Variants in DSCAML1 observed in about 807,000 individuals in gnomAD.
The protein encoded by DSCAML1 is DS cell adhesion molecule like 1, also known as cell adhesion molecule DSCAML1.
Under a neutral mutation model 200.5 loss-of-function variants are expected in DSCAML1, and 38 were observed. The observed-to-expected ratio is 0.19, with a 90% CI of 0.15 to 0.25. DSCAML1 has a LOEUF of 0.25. Among genes scored for constraint, DSCAML1 ranks in the 10% least tolerant of loss-of-function variants. DSCAML1 has a pLI of 1.00. For missense variants in DSCAML1, 2,223 were observed against 2,858.8 expected, an observed-to-expected ratio of 0.78 and a Z score of 5.07; for synonymous variants, 1,215 against 1,165.0, an observed-to-expected ratio of 1.04 and a Z score of -0.87.
intron 14 of DSCAML1, among the ~76,000 whole-genome samples, chr11:117,477,175 A>G (rs996350579): frequency 3.4e-5 from 5 of 146,420 alleles, no homozygotes; most frequent in South Asian, 2.1e-4. Context: ...CCACTAGTCC[A>G]CAGGTGCAGG....
chr11:117,568,545 T>C (rs2050794413), intron 3 of DSCAML1, among the ~76,000 whole-genome samples: 1 of 152,094 alleles, frequency 6.6e-6, no homozygotes, highest in African/African-American at 2.4e-5. Context: ...ACAAAATCAA[T>C]GTACAAAAAT....
chr11:117,518,819 C>A lies in DSCAML1; in HGVS notation c.1214-57G>T. The A allele has an allele frequency of 6.5e-7, 1 of 1,537,940 alleles. No homozygotes were observed. Among genetic ancestry groups the A allele is most frequent in the East Asian group, 2.3e-5 (1 of 43,050 alleles). On this transcript the variant is annotated intron_variant, in intron 6 of 32. Transcript: ENST00000651296. This position sits in a 1 kb window ranked among gnomAD's most constrained non-coding sequence, Gnocchi z 6.3. ...ACCAAGCCATGGAGAGACGGTCCCCCCAGCCACCCCACCTCAGCAGGGGAG... is the reference window on the plus strand; with the variant it reads ...ACCAAGCCATGGAGAGACGGTCCCCACAGCCACCCCACCTCAGCAGGGGAG...
At chr11:117,461,717 G>T (rs375314361) in intron 17 of DSCAML1, 121 bp from the exon 18 acceptor site, 34 of 875,670 alleles carry the variant, frequency 3.9e-5, no homozygotes, top group Middle Eastern at 3.6e-4. Context: ...TTAGACAAGT[G>T]GGGGGACCTC....
In DSCAML1 at chr11:117,684,955, G is replaced by A. The variant is rs577063819; in HGVS notation, c.511+91836C>T. On this transcript the variant is annotated intron_variant, in intron 3 of 32. Coordinates refer to ENST00000651296, the MANE Select transcript of DSCAML1 (RefSeq NM_020693.4). ...TGGAGATGCCAGGGCCGGTCCAGCC[G>A]GTGCTCTGAGCCTGTCATGGGAAAA... is the stretch of plus-strand genomic sequence containing the variant. 5.9e-5 allele frequency among the ~76,000 whole-genome samples: 9 copies of A among 152,226 alleles called. 1 individual carries two copies. Among genetic ancestry groups the A allele is most frequent in the Non-Finnish European group, 8.8e-5 (6 of 68,028 alleles).
chr11:117,717,484 G>A (rs2053971210), intron 3 of DSCAML1, among the ~76,000 whole-genome samples: 1 of 152,230 alleles, frequency 6.6e-6, no homozygotes, highest in Admixed American at 6.5e-5. Context: ...CAACTGACTG[G>A]CGGTGGCTTC....
At chr11:117,654,209 G>C (rs2052689584) in intron 3 of DSCAML1, among the ~76,000 whole-genome samples, 1 of 152,118 alleles carries the variant, frequency 6.6e-6, no homozygotes, top group South Asian at 2.1e-4. Flanking sequence ...GAAATAGGGG[G>C]ATGTTGGCCA....
At chr11:117,651,532 T>C (rs1304804447) in intron 3 of DSCAML1, among the ~76,000 whole-genome samples, 1 of 151,140 alleles carries the variant, frequency 6.6e-6, no homozygotes, top group Non-Finnish European at 1.5e-5. Flanking sequence ...GGTGAAATCC[T>C]GTCTCTACTA....
chr11:117,769,497 TATAATATATA>T (rs2054993000), intron 3 of DSCAML1, among the ~76,000 whole-genome samples: 1 of 94,368 alleles, frequency 1.1e-5, no homozygotes, highest in African/African-American at 5.6e-5. Flanking sequence ...ATTTTATATA[TATAATATATA>T]TTTTATATAT....
At chr11:117,676,183 A>G (rs2053208600) in intron 3 of DSCAML1, among the ~76,000 whole-genome samples, 1 of 152,196 alleles carries the variant, frequency 6.6e-6, no homozygotes, top group Admixed American at 6.5e-5. Context: ...CAAAAAAAAA[A>G]AGCAATCATA....
intron 1 of DSCAML1, among the ~76,000 whole-genome samples, chr11:117,809,597 CT>C (rs747647268): frequency 6.6e-6 from 1 of 152,236 alleles, no homozygotes; most frequent in Non-Finnish European, 1.5e-5. Context: ...CCAGTCATGT[CT>C]CGCAGTGAAG....
rs1372663974 is a variant in DSCAML1, at chr11:117,616,054, G to T, written c.512-83532C>A. Reference sequence around the variant, plus strand: ...GGCTTTGTGGTTGCAGCCACTCAGGGTATCAGACACAGTAATCCTGTAATT... The same window carrying T: ...GGCTTTGTGGTTGCAGCCACTCAGGTTATCAGACACAGTAATCCTGTAATT... On this transcript the variant is annotated intron_variant, in intron 3 of 32. Coordinates refer to ENST00000651296, the MANE Select transcript of DSCAML1 (RefSeq NM_020693.4). Among the ~76,000 whole-genome samples, 3 of 152,212 alleles carry T rather than the reference G, an allele frequency of 2.0e-5. No individual in the cohort carries two copies. The East Asian group carries it at 5.8e-4, about 29-fold the overall frequency.
intron 5 of DSCAML1, among the ~76,000 whole-genome samples, chr11:117,524,483 C>T (rs998681891): frequency 5.9e-5 from 9 of 152,246 alleles, no homozygotes; most frequent in African/African-American, 1.7e-4. Context: ...CCCTCCTCAT[C>T]CCACTGGAGC....
Position 117,780,294 on chromosome 11 carries a change from A to C in DSCAML1, c.364+199T>G, listed in dbSNP as rs866179665. 2.1e-3 allele frequency among the ~76,000 whole-genome samples: 223 copies of C among 106,720 alleles called. 2 individuals carry two copies. The highest frequency in any genetic ancestry group is 6.6e-3 in the African/African-American group (213 of 32,230). 70.0% of individuals were successfully genotyped at this position (106,720 alleles called of 152,430 possible). Reference sequence around the variant, plus strand: ...AAAGAAAGAAAGAAAGAAAGAAAGAAAGAAAGAAAGAGAGAAAGGAGAAAG... The same window carrying C: ...AAAGAAAGAAAGAAAGAAAGAAAGACAGAAAGAAAGAGAGAAAGGAGAAAG... On this transcript the variant is annotated intron_variant, in intron 2 of 32. Coordinates refer to ENST00000651296, the MANE Select transcript of DSCAML1 (RefSeq NM_020693.4). The surrounding 1 kb of genome is among the most constrained non-coding windows in gnomAD (Gnocchi z 4.8).
intron 20 of DSCAML1, among the ~76,000 whole-genome samples, chr11:117,447,296 G>A (rs1322425487): frequency 1.3e-5 from 2 of 151,982 alleles, no homozygotes; most frequent in Admixed American, 1.3e-4. Flanking sequence ...ACATACACAC[G>A]AAAAAATGTT....
intron 3 of DSCAML1, among the ~76,000 whole-genome samples, chr11:117,663,159 C>T (rs941624375): frequency 3.9e-5 from 6 of 152,302 alleles, no homozygotes; most frequent in East Asian, 1.9e-4. Context: ...TGGCATTGCA[C>T]GCTACCGAAA....
chr11:117,433,505 G>A (rs2047846887), intron 27 of DSCAML1, 34 bp from the exon 28 acceptor site: 3 of 1,608,036 alleles, frequency 1.9e-6, no homozygotes, highest in Non-Finnish European at 2.5e-6. Context: ...AGGGCTGGGT[G>A]AGAATGAAGT....
intron 3 of DSCAML1, among the ~76,000 whole-genome samples, chr11:117,563,430 A>G (rs1174902382): frequency 6.6e-6 from 1 of 152,082 alleles, no homozygotes; most frequent in Non-Finnish European, 1.5e-5. Context: ...TGGGATGGAG[A>G]AGTCAGGGGC....
At chr11:117,729,438 T>C (rs2137813986) in intron 3 of DSCAML1, among the ~76,000 whole-genome samples, 1 of 152,154 alleles carries the variant, frequency 6.6e-6, no homozygotes, top group South Asian at 2.1e-4. Flanking sequence ...TCCATCATAA[T>C]AAAATGTTTT....
chr11:117,516,347 C>T lies in DSCAML1; in HGVS notation c.1783+120G>A. 2.3e-6 allele frequency: 3 copies of T among 1,322,850 alleles called. No homozygotes were observed. The highest frequency in any genetic ancestry group is 1.5e-5 in the South Asian group (1 of 68,200). The allele number at this position is 1,322,850 out of a possible 1,614,324, so 81.9% of individuals were successfully genotyped here. A position where few individuals can be genotyped will look rare whatever the true frequency, so the allele number is the denominator to read the frequency against. On this transcript the variant is annotated intron_variant, in intron 8 of 32. Coordinates refer to ENST00000651296, the MANE Select transcript of DSCAML1 (RefSeq NM_020693.4). The surrounding 1 kb of genome is among the most constrained non-coding windows in gnomAD (Gnocchi z 5.7). ...TTCTGAATGCCAAGCTGGGGCCTCT[C>T]TTGCTCAGCCTTCCGTTCACCCAGG...
Sources: gnomAD v4.1 joint callset for allele counts (sites outside exome capture counted in the v4.1 genomes callset) on GRCh38, gnomAD v4.1.1 for gene constraint, Gnocchi (gnomAD v3.1) non-coding constraint, MANE v1.5 for transcripts, NCBI Gene and HGNC (gene_info 2026-07-23, HGNC 2026-07-21) for gene names.